Variants in UBR2 observed in about 807,000 individuals in gnomAD.
UBR2 encodes the protein E3 ubiquitin-protein ligase UBR2.
In UBR2, 92 loss-of-function variants were observed where a neutral mutation model predicts 247.9. The ratio of observed to expected loss-of-function variants is 0.37; its 90% CI spans 0.31 to 0.44. The LOEUF (loss-of-function observed/expected upper bound fraction) is 0.44, where lower values mean the gene tolerates loss of function less well. Ranked by LOEUF, UBR2 falls within the 20% of genes least tolerant of loss-of-function variation. The probability of loss-of-function intolerance (pLI) is 1.00; values close to 1 mark genes in which losing one functional copy is unlikely to be tolerated. For missense variants in UBR2, 1,613 were observed against 2,112.6 expected (o/e 0.76, Z 4.64); for synonymous variants, 672 against 693.5 (o/e 0.97, Z 0.49).
chr6:42,614,428 A>ACGTATG (rs1562312301), intron 8 of UBR2, among the ~76,000 whole-genome samples: 46 of 143,838 alleles, frequency 3.2e-4, no homozygotes, highest in African/African-American at 1.1e-3. Context: ...ACGTACATAT[A>ACGTATG]TATGTATGTA....
chr6:42,687,887 C>T (rs559517756), intron 44 of UBR2, among the ~76,000 whole-genome samples: 3 of 148,914 alleles, frequency 2.0e-5, no homozygotes, highest in South Asian at 2.1e-4. Flanking sequence ...TCTGTATTGA[C>T]GTTTATAACT....
intron 1 of UBR2, among the ~76,000 whole-genome samples, chr6:42,570,314 C>A (rs920195558): frequency 6.6e-6 from 1 of 152,202 alleles, no homozygotes; most frequent in African/African-American, 2.4e-5. Context: ...CTCACTGCAA[C>A]CTCCACCTCC....
At chr6:42,681,807 T>C (rs1162572909) in intron 42 of UBR2, among the ~76,000 whole-genome samples, 2 of 152,240 alleles carry the variant, frequency 1.3e-5, no homozygotes, top group Non-Finnish European at 2.9e-5. Flanking sequence ...CCCACATTTA[T>C]AGCAGCATTA....
At chr6:42,602,284 G>A (rs1033531458) in intron 4 of UBR2, among the ~76,000 whole-genome samples, 3 of 148,752 alleles carry the variant, frequency 2.0e-5, no homozygotes, top group Non-Finnish European at 4.5e-5. Flanking sequence ...CTCACTGCAA[G>A]CTCCGCCTCC....
intron 42 of UBR2, among the ~76,000 whole-genome samples, chr6:42,681,661 G>T (rs1298716241): frequency 1.3e-5 from 2 of 152,146 alleles, no homozygotes; most frequent in Non-Finnish European, 2.9e-5. Context: ...TATAGAAAAT[G>T]ATAGAGCCAC....
intron 44 of UBR2, 22 bp from the exon 45 acceptor site, chr6:42,688,194 G>C (rs1446892049): frequency 3.7e-6 from 6 of 1,613,946 alleles, no homozygotes; most frequent in Non-Finnish European, 5.1e-6. Context: ...TCAATGACTT[G>C]TGGGTTTTTT....
intron 2 of UBR2, among the ~76,000 whole-genome samples, chr6:42,576,035 G>GT (rs939825912): frequency 4.0e-5 from 6 of 151,534 alleles, no homozygotes; most frequent in African/African-American, 1.2e-4. Flanking sequence ...TTTCCCTTCT[G>GT]TTTTTTCTTT....
At chr6:42,592,379 G>A in intron 3 of UBR2, 150 bp downstream of exon 3, 2 of 518,368 alleles carry the variant, frequency 3.9e-6, no homozygotes, top group South Asian at 9.4e-5. Context: ...GATATAGGGT[G>A]CCAGTGTAGA....
intron 31 of UBR2, among the ~76,000 whole-genome samples, chr6:42,663,007 C>T (rs906403421): frequency 3.3e-5 from 5 of 151,284 alleles, no homozygotes; most frequent in Admixed American, 2.0e-4. Flanking sequence ...AACAATGACA[C>T]CAAGAAATTT....
intron 15 of UBR2, 62 bp downstream of exon 15, chr6:42,637,256 A>G: frequency 1.3e-6 from 2 of 1,505,186 alleles, no homozygotes; most frequent in Admixed American, 3.7e-5. Context: ...TTTGTGGTTA[A>G]TATCTGTGAA....
At chr6:42,669,424 A>G (rs1269849146) in intron 34 of UBR2, among the ~76,000 whole-genome samples, 1 of 151,268 alleles carries the variant, frequency 6.6e-6, no homozygotes, top group Non-Finnish European at 1.5e-5. Context: ...TTTCTCTTGG[A>G]TTTTCTTCTT....
intron 18 of UBR2, among the ~76,000 whole-genome samples, chr6:42,642,898 T>C (rs1182521894): frequency 1.3e-5 from 2 of 152,232 alleles, no homozygotes; most frequent in African/African-American, 4.8e-5. Flanking sequence ...TTAACTGCAT[T>C]GAAGTTCCCT....
chr6:42,638,482 T>A (rs1310933914), intron 15 of UBR2, among the ~76,000 whole-genome samples: 1 of 152,238 alleles, frequency 6.6e-6, no homozygotes, highest in Non-Finnish European at 1.5e-5. Flanking sequence ...TATAAAGTTG[T>A]TATTCCTAGA....
At chr6:42,569,609 G>T (rs1206225654) in intron 1 of UBR2, among the ~76,000 whole-genome samples, 1 of 151,736 alleles carries the variant, frequency 6.6e-6, no homozygotes, top group African/African-American at 2.4e-5. Context: ...TGTTTTTATG[G>T]TTATGAGCAC....
chr6:42,665,352 T>G, intron 32 of UBR2, 57 bp from the exon 33 acceptor site: 1 of 1,336,882 alleles, frequency 7.5e-7, no homozygotes, highest in South Asian at 1.3e-5. Flanking sequence ...TTAAGGAGTC[T>G]TTTGTATCTT....
intron 44 of UBR2, among the ~76,000 whole-genome samples, chr6:42,687,563 C>T (rs955454843): frequency 1.4e-5 from 2 of 140,810 alleles, no homozygotes; most frequent in African/African-American, 5.1e-5. Flanking sequence ...TTTATTGAGA[C>T]AGGGTCTCAC....
chr6:42,604,069 A>G (rs10498753), intron 5 of UBR2, among the ~76,000 whole-genome samples: 114,634 of 152,182 alleles, frequency 0.75, 43,583 homozygotes, highest in African/African-American at 0.85. Flanking sequence ...TATAGGAAAT[A>G]AACTCTTTGA....
In UBR2 at chr6:42,603,645, A is replaced by C. The variant is rs1289116485; in HGVS notation, c.589A>C (p.Ile197Leu). Residue 197 changes from isoleucine (I) to leucine (L), a missense_variant, in exon 5 of 47, where the codon ATT (isoleucine) becomes CTT (leucine). Ile to Leu is a conservative substitution (Grantham distance 5, BLOSUM62 2). This residue lies in a region of UBR2 where 1,524 missense variants were observed against 1,967.3 expected (regional missense o/e 0.77). Transcript: ENST00000372901. ...VIARTYNIFAITFRYAVEILT... is the reference protein window; with the variant it reads ...VIARTYNIFALTFRYAVEILT... ...AGCAAGAACTTATAACATTTTTGCTATTACGTTTCGGTATGCAGTAGAAAT... is the reference window on the plus strand; with the variant it reads ...AGCAAGAACTTATAACATTTTTGCTCTTACGTTTCGGTATGCAGTAGAAAT... 8 of 1,599,138 alleles carry C rather than the reference A, an allele frequency of 5.0e-6. No homozygotes were observed. Among genetic ancestry groups the C allele is most frequent in the Non-Finnish European group, 6.8e-6 (8 of 1,176,686 alleles).
chr6:42,594,731 C>G (rs924904967), intron 4 of UBR2, among the ~76,000 whole-genome samples: 10 of 152,120 alleles, frequency 6.6e-5, no homozygotes, highest in South Asian at 2.1e-4. Flanking sequence ...TTTCCATTAT[C>G]ATTGGTTATG....
Sources: allele counts gnomAD v4.1 joint callset (sites outside exome capture counted in the v4.1 genomes callset), GRCh38; gene constraint gnomAD v4.1.1; regional missense constraint gnomAD v4.1.1; transcripts MANE v1.5; gene names NCBI Gene and HGNC (gene_info 2026-07-23, HGNC 2026-07-21).